EDRF1: variants seen among roughly 807,000 people sequenced by gnomAD.
The protein encoded by EDRF1 is erythroid differentiation-related factor 1.
In EDRF1, 69 loss-of-function variants were observed where a neutral mutation model predicts 148.7. That is an observed-to-expected ratio of 0.46 (90% CI 0.38 to 0.57). The LOEUF (loss-of-function observed/expected upper bound fraction) is 0.57. EDRF1 is among the 20% of genes least tolerant of loss of function. EDRF1 has a pLI of 0.00. For missense variants in EDRF1, 1,118 were observed against 1,478.7 expected (o/e 0.76, Z 4.00); for synonymous variants, 515 against 532.8 (o/e 0.97, Z 0.46).
intron 1 of EDRF1, among the ~76,000 whole-genome samples, chr10:125,720,903 C>T (rs913495375): frequency 3.9e-5 from 6 of 151,982 alleles, no homozygotes; most frequent in Admixed American, 1.3e-4. Context: ...ACCATTGAGT[C>T]TCCTTGGTTT....
At position 125,725,677 on chromosome 10, in the gene EDRF1, G is replaced by T. The variant is rs370308497; in HGVS notation, c.636-5G>T. 8 of 1,613,834 alleles carry T rather than the reference G, an allele frequency of 5.0e-6. No individual in the cohort carries two copies. In the East Asian group the frequency reaches 1.3e-4, roughly 27 times the overall value. ...GCAATCCTTTTTTATTTCTGGTTTG[G>T]CCAGTATCAATGGTGATGGAGCCGC... On this transcript the variant is annotated splice_region_variant and splice_polypyrimidine_tract_variant and intron_variant, in intron 5 of 24. Transcript: ENST00000356792.
intron 17 of EDRF1, chr10:125,742,520 C>T (rs901480432): frequency 3.8e-5 from 37 of 985,354 alleles, no homozygotes; most frequent in Middle Eastern, 5.2e-4. Context: ...CCCCTCTCTC[C>T]GTCTTTCTCA....
chr10:125,739,758 T>C (rs1461214758), intron 15 of EDRF1, among the ~76,000 whole-genome samples: 1 of 152,224 alleles, frequency 6.6e-6, no homozygotes, highest in Admixed American at 6.5e-5. Context: ...TTTTCCACAG[T>C]ATTTTGTTCT....
intron 18 of EDRF1, chr10:125,744,774 G>T (rs1236702827): frequency 2.0e-5 from 3 of 152,210 alleles, no homozygotes; most frequent in African/African-American, 7.2e-5. Context: ...AGTGAAGAGG[G>T]TTATACTTAA....
intron 22 of EDRF1, among the ~76,000 whole-genome samples, chr10:125,752,354 G>T (rs1219788892): frequency 6.6e-6 from 1 of 152,170 alleles, no homozygotes; most frequent in Non-Finnish European, 1.5e-5. Flanking sequence ...TAGTTAGAAG[G>T]CTCTAGAATA....
intron 9 of EDRF1, 112 bp from the exon 10 acceptor site, chr10:125,733,292 C>A: frequency 1.2e-6 from 1 of 808,806 alleles, no homozygotes; most frequent in East Asian, 2.8e-5. Flanking sequence ...CACTTTCATG[C>A]TACATAGGTC....
intron 14 of EDRF1, 47 bp from the exon 15 acceptor site, chr10:125,738,248 T>C: frequency 6.2e-7 from 1 of 1,608,500 alleles, no homozygotes; most frequent in Non-Finnish European, 8.5e-7. Flanking sequence ...TAGTTTTCAG[T>C]TGACCTGAAG....
Position 125,738,007 on chromosome 10 carries a change from C to A in EDRF1, c.1830+18C>A. On this transcript the variant is annotated intron_variant, in intron 14 of 24. Coordinates refer to ENST00000356792, the MANE Select transcript of EDRF1 (RefSeq NM_001202438.2). ...TTCTAGAGGTAAGTTTAAGTTTAGT[C>A]TTCACTTTTTTCGTAAAGTTTGTAC... The A allele has an allele frequency of 1.9e-6, 3 of 1,610,994 alleles. No homozygotes were observed. The highest frequency in any genetic ancestry group is 1.1e-5 in the South Asian group (1 of 91,014).
chr10:125,742,684 A>C, intron 17 of EDRF1: 1 of 985,030 alleles, frequency 1.0e-6, no homozygotes. Context: ...CAGTGACTTA[A>C]AGTTAATATT....
chr10:125,730,468 T>C, intron 9 of EDRF1, 69 bp downstream of exon 9: 2 of 1,272,538 alleles, frequency 1.6e-6, no homozygotes, highest in Non-Finnish European at 2.3e-6. Flanking sequence ...CACCAAAGTC[T>C]TTACGGCCCT....
chr10:125,723,554 CTT>C lies in EDRF1; in HGVS notation c.385-255_385-254del, dbSNP rs527719430. On this transcript the variant is annotated intron_variant, in intron 3 of 24. Coordinates refer to ENST00000356792, the MANE Select transcript of EDRF1 (RefSeq NM_001202438.2). ...AACAGTGTGACGTATACACCCTTAA[CTT>C]TAAGAAATCCTATCATGTAAAAATA... 3.4e-4 allele frequency among the ~76,000 whole-genome samples: 52 copies of C among 152,232 alleles called. 1 individual carries two copies. The East Asian group carries it at 7.1e-3, about 21-fold the overall frequency.
chr10:125,735,859 A>G lies in EDRF1; in HGVS notation c.1713A>G (p.Gly571=). The change falls in exon 13 of 25, where the codon GGA becomes GGG. Residue 571 remains glycine, a synonymous_variant. Transcript: ENST00000356792. The part of the protein sequence containing the change: ...SKAVAIIKSV[G]ELSVPEKYKS... ...CAGTAGCTATAATCAAGTCTGTTGG[A>G]GAACTATCAGTACCAGAAAAATACA... 3.7e-6 allele frequency: 6 copies of G among 1,612,728 alleles called. No individual in the cohort carries two copies. Among genetic ancestry groups the G allele is most frequent in the Non-Finnish European group, 1.7e-6 (2 of 1,178,946 alleles).
Position 125,753,727 on chromosome 10 carries a change from G to A in EDRF1, c.3427G>A (p.Ala1143Thr). ...KSGDAAAAAD[A>T]SPSLNREEVM... ...TGGTGACGCCGCTGCAGCTGCTGATGCTTCTCCTAGTCTCAATCGAGAAGA... is the reference window on the plus strand; with the variant it reads ...TGGTGACGCCGCTGCAGCTGCTGATACTTCTCCTAGTCTCAATCGAGAAGA... Residue 1143 changes from alanine (A) to threonine (T), a missense_variant, in exon 24 of 25, where the codon GCT becomes ACT. Ala to Thr is a moderately conservative substitution (Grantham distance 58, BLOSUM62 0). Around this residue, in one of 3 missense-constraint regions of EDRF1, gnomAD observed 954 missense variants for 1,241.4 expected, o/e 0.77. Transcript: ENST00000356792. 6.2e-7 allele frequency: 1 copy of A among 1,613,986 alleles called. No individual in the cohort carries two copies. The highest frequency in any genetic ancestry group is 8.5e-7 in the Non-Finnish European group (1 of 1,180,006).
chr10:125,719,873 C>T lies in EDRF1; in HGVS notation c.66C>T (p.Leu22=), dbSNP rs758272677. ...PPAGAAARGG[L]SLLSQGESEE... is the part of the protein sequence containing the mutation. ...CCGGGGCCGCCGCTCGAGGAGGGCT[C>T]AGCCTCCTGTCCCAGGGAGAATCCG... Residue 22 remains leucine (L), a synonymous_variant, in exon 1 of 25, where the codon CTC becomes CTT. Transcript: ENST00000356792. 1 of 1,613,158 alleles carries T rather than the reference C, an allele frequency of 6.2e-7. No individual in the cohort carries two copies. Among genetic ancestry groups the T allele is most frequent in the South Asian group, 1.1e-5 (1 of 91,052 alleles).
At chr10:125,735,968 TA>T (rs1848708892) in intron 13 of EDRF1, 64 bp downstream of exon 13, 2 of 1,435,422 alleles carry the variant, frequency 1.4e-6, no homozygotes, top group Non-Finnish European at 1.9e-6. Context: ...CGAATATAGT[TA>T]GCCTTTCAAA....
chr10:125,724,826 A>G (rs188205439), intron 4 of EDRF1, among the ~76,000 whole-genome samples: 1 of 152,338 alleles, frequency 6.6e-6, no homozygotes, highest in East Asian at 1.9e-4. Flanking sequence ...TCTTTAAAGA[A>G]TATTACTACA....
At chr10:125,740,904 A>G in intron 16 of EDRF1, 97 bp from the exon 17 acceptor site, 1 of 1,310,192 alleles carries the variant, frequency 7.6e-7, no homozygotes, top group African/African-American at 1.5e-5. Context: ...CAGTGCTACA[A>G]AGCGTTCAGC....
intron 18 of EDRF1, chr10:125,744,677 T>A (rs1849243700): frequency 6.6e-6 from 1 of 152,228 alleles, no homozygotes; most frequent in Non-Finnish European, 1.5e-5. Context: ...CTCTTCAGAC[T>A]CCATGGGGAC....
chr10:125,735,633 T>G lies in EDRF1; in HGVS notation c.1498-11T>G. The G allele has an allele frequency of 6.2e-7, 1 of 1,611,378 alleles. No homozygotes were observed. The highest frequency in any genetic ancestry group is 8.5e-7 in the Non-Finnish European group (1 of 1,178,446). On this transcript the variant is annotated splice_polypyrimidine_tract_variant and intron_variant, in intron 12 of 24. Transcript: ENST00000356792. ...ACAGTAATTTACACATATTTCTCTCTTTTTCATAAGATTATTGCTTCCGCC... is the reference window on the plus strand; with the variant it reads ...ACAGTAATTTACACATATTTCTCTCGTTTTCATAAGATTATTGCTTCCGCC...
Sources: allele counts gnomAD v4.1 joint callset (sites outside exome capture counted in the v4.1 genomes callset), GRCh38; gene constraint gnomAD v4.1.1; regional missense constraint gnomAD v4.1.1; transcripts MANE v1.5; gene names NCBI Gene and HGNC (gene_info 2026-07-23, HGNC 2026-07-21).